The following GFRA1 variants were observed in gnomAD, a reference collection of about 807,000 sequenced individuals.
The protein encoded by GFRA1 is GDNF family receptor alpha-1.
In GFRA1, 16 loss-of-function variants were observed where a neutral mutation model predicts 51.6. The observed-to-expected ratio is 0.31, with a 90% CI of 0.21 to 0.47. The LOEUF (loss-of-function observed/expected upper bound fraction) is 0.47. GFRA1 is among the 20% of genes least tolerant of loss of function. The pLI, the probability that GFRA1 is intolerant of heterozygous loss-of-function variation, is 1.00. For synonymous variants in GFRA1, 270 were observed against 241.3 expected (o/e 1.12, Z -1.10); for missense variants, 530 against 594.3 (o/e 0.89, Z 1.13).
At position 116,059,175 on chromosome 10, in the gene GFRA1, T is replaced by G. The variant is rs1007920212; in HGVS notation, c.*5223A>C. ...CAGTTCTTGCTACCGTATGACAGAA[T>G]AAAGCCCTTAAATGTCAAGGCTTTT... On this transcript the variant is annotated 3_prime_UTR_variant, in exon 11 of 11. Coordinates refer to ENST00000355422, the MANE Select transcript of GFRA1 (RefSeq NM_005264.8). 5.9e-5 allele frequency: 9 copies of G among 152,240 alleles called. No homozygotes were observed. Among genetic ancestry groups the G allele is most frequent in the African/African-American group, 1.9e-4 (8 of 41,454 alleles). 9.4% of individuals were successfully genotyped at this position (152,240 alleles called of 1,614,324 possible).
intron 4 of GFRA1, among the ~76,000 whole-genome samples, chr10:116,241,833 G>A (rs1227324637): frequency 6.6e-6 from 1 of 152,096 alleles, no homozygotes; most frequent in Non-Finnish European, 1.5e-5. Flanking sequence ...AAGAATAGGA[G>A]AATCAACTTG....
intron 5 of GFRA1, among the ~76,000 whole-genome samples, chr10:116,173,977 G>C (rs954573616): frequency 6.6e-6 from 1 of 152,130 alleles, no homozygotes; most frequent in African/African-American, 2.4e-5. Context: ...CTACTTGGGA[G>C]GCTGAGGCAG....
rs113224994 is a variant in GFRA1 at position 116,101,318 on chromosome 10, C to T, written c.771-4554G>A. On this transcript the variant is annotated intron_variant, in intron 6 of 10. Transcript: ENST00000355422. ...TTCTGGAGACATGAAATCTCCATGA[C>T]GACAGCAATGATGAGCTCTGATTGT... Among the ~76,000 whole-genome samples, 595 of 152,182 alleles carry T rather than the reference C, an allele frequency of 3.9e-3. 2 individuals carry two copies. Among genetic ancestry groups the T allele is most frequent in the African/African-American group, 0.014 (572 of 41,502 alleles).
rs1955014071 is a variant in GFRA1, at chr10:116,064,675, T to C, written c.1252-131A>G. ...CCAAAGCTGACCAAGATTTTACCAC[T>C]GAGACTTACATTCACTGACTTGTAG... On this transcript the variant is annotated intron_variant, in intron 10 of 10. Transcript: ENST00000355422. 3.8e-6 allele frequency: 3 copies of C among 792,830 alleles called. No homozygotes were observed. In the Admixed American group the frequency reaches 5.5e-5, roughly 15 times the overall value. 49.1% of individuals were successfully genotyped at this position (792,830 alleles called of 1,614,324 possible). A position where few individuals can be genotyped will look rare whatever the true frequency, so the allele number is the denominator to read the frequency against.
chr10:116,164,619 T>A (rs1033468839), intron 5 of GFRA1, among the ~76,000 whole-genome samples: 1 of 152,242 alleles, frequency 6.6e-6, no homozygotes, highest in Admixed American at 6.5e-5. Context: ...TGTTGGGTCT[T>A]TTAATGCCAG....
At chr10:116,180,655 G>C (rs1222713390) in intron 5 of GFRA1, among the ~76,000 whole-genome samples, 2 of 152,008 alleles carry the variant, frequency 1.3e-5, no homozygotes, top group African/African-American at 4.8e-5. Context: ...CCAATCATTG[G>C]CCTCTCTGCC....
chr10:116,199,078 G>T (rs1392476844), intron 5 of GFRA1, among the ~76,000 whole-genome samples: 1 of 152,182 alleles, frequency 6.6e-6, no homozygotes, highest in African/African-American at 2.4e-5. Flanking sequence ...GGCCGGGACA[G>T]ATCCTCTTCT....
At chr10:116,068,179 G>A (rs901854190) in intron 9 of GFRA1, among the ~76,000 whole-genome samples, 3 of 152,172 alleles carry the variant, frequency 2.0e-5, no homozygotes, top group African/African-American at 2.4e-5. Context: ...AACCCACAGA[G>A]GCACTCAGCA....
At position 116,057,991 on chromosome 10, in the gene GFRA1, TGTGTGTGTG is replaced by T. The variant is rs1236373644; in HGVS notation, c.*6398_*6406del. The T allele has an allele frequency of 4.5e-4, 3 of 6,626 alleles. No homozygotes were observed. Among genetic ancestry groups the T allele is most frequent in the Non-Finnish European group, 1.3e-3 (3 of 2,244 alleles). 0.4% of individuals were successfully genotyped at this position (6,626 alleles called of 1,614,324 possible). ...CTGGATCATATAGCCCTCCAATCAT[TGTGTGTGTG>T]TGTGTGTGTGTGTGTGTGTGTGTGT... On this transcript the variant is annotated 3_prime_UTR_variant, in exon 11 of 11. Transcript: ENST00000355422.
chr10:116,093,849 A>C lies in GFRA1; in HGVS notation c.881-13T>G, dbSNP rs1405847043. ...GTCATGACTGTGCCTAAAAGAATAA[A>C]AACAAGGCATTTTATTGTTGTATGA... On this transcript the variant is annotated splice_polypyrimidine_tract_variant and intron_variant, in intron 7 of 10. Coordinates refer to ENST00000355422, the MANE Select transcript of GFRA1 (RefSeq NM_005264.8). 6.2e-7 allele frequency: 1 copy of C among 1,613,648 alleles called. No individual in the cohort carries two copies. Among genetic ancestry groups the C allele is most frequent in the Non-Finnish European group, 8.5e-7 (1 of 1,179,664 alleles).
intron 6 of GFRA1, among the ~76,000 whole-genome samples, chr10:116,124,541 T>C (rs1957775788): frequency 1.3e-5 from 2 of 152,220 alleles, no homozygotes; most frequent in South Asian, 4.1e-4. Flanking sequence ...AGTTTTTTCT[T>C]TTTTAAACAC....
intron 9 of GFRA1, among the ~76,000 whole-genome samples, chr10:116,067,566 C>G (rs554207058): frequency 6.6e-6 from 1 of 152,320 alleles, no homozygotes; most frequent in East Asian, 1.9e-4. Context: ...ATGATTAGCA[C>G]TAGCAGACAG....
chr10:116,100,198 G>A (rs1406464033), intron 6 of GFRA1, among the ~76,000 whole-genome samples: 1 of 152,204 alleles, frequency 6.6e-6, no homozygotes, highest in Non-Finnish European at 1.5e-5. Flanking sequence ...CACACTCACA[G>A]TAAGACCTGC....
At chr10:116,206,655 CCTCA>C in intron 5 of GFRA1, among the ~76,000 whole-genome samples, 1 of 134,094 alleles carries the variant, frequency 7.5e-6, no homozygotes. Context: ...TGAGACGGAG[CCTCA>C]CTCTGTCGCC....
chr10:116,255,579 T>C (rs1968771083), intron 4 of GFRA1: 1 of 1,288,162 alleles, frequency 7.8e-7, no homozygotes, highest in South Asian at 1.2e-5. Context: ...CAGTATTAAT[T>C]TTCTCTGCTG....
At chr10:116,125,997 T>C (rs1170755579) in intron 5 of GFRA1, among the ~76,000 whole-genome samples, 8 of 152,214 alleles carry the variant, frequency 5.3e-5, no homozygotes, top group Non-Finnish European at 1.2e-4. Flanking sequence ...AATAAATGCA[T>C]ATAGTACATG....
chr10:116,199,308 C>G (rs150712241), intron 5 of GFRA1, among the ~76,000 whole-genome samples: 1 of 152,204 alleles, frequency 6.6e-6, no homozygotes, highest in African/African-American at 2.4e-5. Context: ...GCGCTGCAGC[C>G]GGACCCCAAA....
chr10:116,138,293 GA>G (rs1273719546), intron 5 of GFRA1, among the ~76,000 whole-genome samples: 1 of 152,150 alleles, frequency 6.6e-6, no homozygotes. Context: ...GCCACCATCT[GA>G]AAATGTGTAT....
intron 5 of GFRA1, among the ~76,000 whole-genome samples, chr10:116,139,134 A>G (rs1364190851): frequency 4.6e-5 from 7 of 152,230 alleles, no homozygotes; most frequent in African/African-American, 1.4e-4. Flanking sequence ...TGAGGCAGGT[A>G]GAAGCAGGTG....
Sources: allele counts gnomAD v4.1 joint callset (sites outside exome capture counted in the v4.1 genomes callset), GRCh38; gene constraint gnomAD v4.1.1; transcripts MANE v1.5; gene names NCBI Gene and HGNC (gene_info 2026-07-23, HGNC 2026-07-21).